The following SIRT4 variants were observed in gnomAD, a reference collection of about 807,000 sequenced individuals.
The protein encoded by SIRT4 is sirtuin 4, also known as NAD-dependent protein lipoamidase sirtuin-4, mitochondrial.
In SIRT4, 23 loss-of-function variants were observed where a neutral mutation model predicts 26.1. The observed-to-expected ratio is 0.88, with a 90% CI of 0.63 to 1.25. The LOEUF (loss-of-function observed/expected upper bound fraction) is 1.25. SIRT4 is among the 50% of genes most tolerant of loss of function. The pLI, the probability that SIRT4 is intolerant of heterozygous loss-of-function variation, is 0.00. For synonymous variants in SIRT4, 155 were observed against 158.4 expected, an observed-to-expected ratio of 0.98 and a Z score of 0.16; for missense variants, 361 against 405.4, an observed-to-expected ratio of 0.89 and a Z score of 0.94.
At chr12:120,311,245 C>T in intron 2 of SIRT4, among the ~76,000 whole-genome samples, 1 of 150,496 alleles carries the variant, frequency 6.6e-6, no homozygotes, top group East Asian at 2.0e-4. Context: ...ATCCCAGCTA[C>T]TCGGGAGGCT....
intron 2 of SIRT4, among the ~76,000 whole-genome samples, chr12:120,310,187 T>TG (rs1328482241): frequency 6.6e-6 from 1 of 151,882 alleles, no homozygotes; most frequent in Non-Finnish European, 1.5e-5. Flanking sequence ...CTCAGCACTT[T>TG]GGGAGGCCGA....
chr12:120,298,984 T>C (rs1452172542), upstream of SIRT4, among the ~76,000 whole-genome samples: 1 of 148,464 alleles, frequency 6.7e-6, no homozygotes, highest in Non-Finnish European at 1.5e-5. Context: ...CCCAGTACTT[T>C]GGGAGGCTGA....
chr12:120,309,612 G>A (rs1412402175), intron 2 of SIRT4, among the ~76,000 whole-genome samples: 5 of 150,654 alleles, frequency 3.3e-5, no homozygotes, highest in African/African-American at 7.3e-5. Flanking sequence ...GGGTTTCACC[G>A]TGTTGGGCCA....
chr12:120,307,543 TG>T (rs745866859), intron 2 of SIRT4, among the ~76,000 whole-genome samples: 115 of 152,066 alleles, frequency 7.6e-4, no homozygotes, highest in Non-Finnish European at 1.4e-3. Flanking sequence ...GCAAGAACTT[TG>T]TAATATTTGG....
At chr12:120,311,768 G>A (rs2136843683) in intron 2 of SIRT4, among the ~76,000 whole-genome samples, 1 of 145,496 alleles carries the variant, frequency 6.9e-6, no homozygotes, top group African/African-American at 2.5e-5. Flanking sequence ...AAAAAAAGAG[G>A]TGAGAAGAGA....
At chr12:120,310,524 G>A (rs1362566623) in intron 2 of SIRT4, among the ~76,000 whole-genome samples, 19 of 151,624 alleles carry the variant, frequency 1.3e-4, no homozygotes, top group Non-Finnish European at 2.9e-5. Context: ...GGCCACAGGG[G>A]TTCTTTTAAG....
chr12:120,292,084 G>C, the SIRT4 span, among the ~76,000 whole-genome samples: 26 of 152,192 alleles, frequency 1.7e-4, no homozygotes, highest in Admixed American at 5.9e-4. Context: ...TTCAGGTTTT[G>C]AAAACCATAA....
intron 2 of SIRT4, among the ~76,000 whole-genome samples, chr12:120,304,803 TTATATATA>T (rs1254801981): frequency 8.3e-4 from 50 of 60,402 alleles, no homozygotes; most frequent in African/African-American, 2.8e-3. Flanking sequence ...AAAGTAAATT[TTATATATA>T]TATATATATA....
chr12:120,308,230 C>G (rs1229244447), intron 2 of SIRT4, among the ~76,000 whole-genome samples: 1 of 138,632 alleles, frequency 7.2e-6, no homozygotes, highest in East Asian at 2.2e-4. Context: ...AGTGCAGTGG[C>G]ACGGTCTCGG....
At chr12:120,300,319 T>C (rs1330163962), upstream of SIRT4, among the ~76,000 whole-genome samples, 4 of 149,998 alleles carry the variant, frequency 2.7e-5, no homozygotes, top group Admixed American at 1.3e-4. Flanking sequence ...AAAGCAGAAA[T>C]GGGCAAACTA....
chr12:120,301,359 AAACAACAAC>A (rs71753742), upstream of SIRT4, among the ~76,000 whole-genome samples: 4 of 151,792 alleles, frequency 2.6e-5, no homozygotes, highest in Middle Eastern at 6.8e-3. Context: ...ACAAACAAAC[AAACAACAAC>A]AACAACAACA....
the SIRT4 span, chr12:120,293,248 G>C: frequency 1.3e-4 from 20 of 152,212 alleles, no homozygotes; most frequent in Middle Eastern, 3.4e-3. Context: ...AATTTGTTAC[G>C]CCCCCTGCTC....
chr12:120,312,685 G>A lies in SIRT4; in HGVS notation c.727G>A (p.Val243Ile), dbSNP rs200874471. The part of the protein sequence containing the change: ...FFGDTVNPDK[V>I]DFVHKRVKEA... Reference sequence around the variant, plus strand: ...CGGGGACACAGTGAACCCTGACAAGGTTGATTTTGTGCACAAGCGTGTAAA... The same window carrying A: ...CGGGGACACAGTGAACCCTGACAAGATTGATTTTGTGCACAAGCGTGTAAA... Residue 243 changes from valine to isoleucine, a missense_variant, in exon 3 of 4, where the codon GTT (valine) becomes ATT (isoleucine). Physicochemically the swap from Val to Ile is conservative, Grantham distance 29. Coordinates refer to ENST00000202967, the MANE Select transcript of SIRT4 (RefSeq NM_012240.3). The A allele has an allele frequency of 3.1e-6, 5 of 1,614,096 alleles. No individual in the cohort carries two copies. The highest frequency in any genetic ancestry group is 2.5e-6 in the Non-Finnish European group (3 of 1,180,032).
At chr12:120,295,464 GT>G in the SIRT4 span, among the ~76,000 whole-genome samples, 1 of 115,504 alleles carries the variant, frequency 8.7e-6, no homozygotes, top group African/African-American at 3.4e-5. Context: ...GTTTCTCCAT[GT>G]TGGTCAGGCT....
At chr12:120,301,524 G>A (rs969012954), upstream of SIRT4, among the ~76,000 whole-genome samples, 4 of 152,186 alleles carry the variant, frequency 2.6e-5, no homozygotes, top group African/African-American at 9.6e-5. Context: ...TCTAGGCCGG[G>A]AACAGTGGCT....
upstream of SIRT4, among the ~76,000 whole-genome samples, chr12:120,301,983 G>A (rs1307583301): frequency 6.8e-6 from 1 of 147,634 alleles, no homozygotes; most frequent in African/African-American, 2.6e-5. Flanking sequence ...GGGAGAGGGA[G>A]GTTGCAGTGA....
chr12:120,299,168 C>G (rs1211607825), upstream of SIRT4, among the ~76,000 whole-genome samples: 1 of 150,788 alleles, frequency 6.6e-6, no homozygotes, highest in African/African-American at 2.4e-5. Flanking sequence ...TTGTAGTGGG[C>G]CGAGATCTCT....
At chr12:120,312,315 T>C in intron 2 of SIRT4, 141 bp from the exon 3 acceptor site, 1 of 803,708 alleles carries the variant, frequency 1.2e-6, no homozygotes, top group South Asian at 1.8e-5. Context: ...ATAGAAAGTA[T>C]GGCTAAAATG....
chr12:120,292,523 G>A, the SIRT4 span, among the ~76,000 whole-genome samples: 1 of 152,240 alleles, frequency 6.6e-6, no homozygotes, highest in Non-Finnish European at 1.5e-5. Flanking sequence ...AGAATCGCTT[G>A]AACCCGGGCG....
Sources: allele counts gnomAD v4.1 joint callset (sites outside exome capture counted in the v4.1 genomes callset), GRCh38; gene constraint gnomAD v4.1.1; transcripts MANE v1.5; gene names NCBI Gene and HGNC (gene_info 2026-07-23, HGNC 2026-07-21).